STK32B: variants seen among roughly 807,000 people sequenced by gnomAD.
STK32B encodes serine/threonine-protein kinase 32B.
A neutral mutation model predicts 52.6 loss-of-function variants in STK32B; 43 were observed. That is an observed-to-expected ratio of 0.82 (90% CI 0.64 to 1.05). The LOEUF (loss-of-function observed/expected upper bound fraction) is 1.05, where lower values mean the gene tolerates loss of function less well. STK32B is among the 50% of genes least tolerant of loss of function. The probability of loss-of-function intolerance (pLI) is 0.00; values close to 1 mark genes in which losing one functional copy is unlikely to be tolerated. For synonymous variants in STK32B, 238 were observed against 204.3 expected, an observed-to-expected ratio of 1.17 and a Z score of -1.41; for missense variants, 621 against 534.6, an observed-to-expected ratio of 1.16 and a Z score of -1.59.
At chr4:5,239,695 A>G (rs529474598) in intron 3 of STK32B, among the ~76,000 whole-genome samples, 14 of 152,286 alleles carry the variant, frequency 9.2e-5, no homozygotes, top group African/African-American at 2.6e-4. Context: ...CTCAGAGGCA[A>G]GTTTACAAGA....
rs567484744 is a variant in STK32B, at chr4:5,364,624, T to C, written c.434+33231T>C. Reference sequence around the variant, plus strand: ...AGTCACGTGACTATCCCTGAATGAGTTGAACCACGTACCACCTGTCTGGTG... The same window carrying C: ...AGTCACGTGACTATCCCTGAATGAGCTGAACCACGTACCACCTGTCTGGTG... On this transcript the variant is annotated intron_variant, in intron 4 of 11. Coordinates refer to ENST00000282908, the MANE Select transcript of STK32B (RefSeq NM_018401.3). Among the ~76,000 whole-genome samples the C allele has an allele frequency of 1.8e-3, 279 of 152,244 alleles. 1 individual carries two copies. Among genetic ancestry groups the C allele is most frequent in the African/African-American group, 6.6e-3 (276 of 41,544 alleles).
intron 11 of STK32B, among the ~76,000 whole-genome samples, chr4:5,483,918 T>G (rs1298855374): frequency 6.6e-6 from 1 of 152,222 alleles, no homozygotes; most frequent in Non-Finnish European, 1.5e-5. Context: ...TTCTTAATTC[T>G]GAGTTCTAGT....
At chr4:5,107,856 T>A (rs1307647913) in intron 1 of STK32B, among the ~76,000 whole-genome samples, 4 of 152,224 alleles carry the variant, frequency 2.6e-5, no homozygotes, top group Admixed American at 2.6e-4. Context: ...GTAAATTCTA[T>A]GCATTTTAAT....
At chr4:5,463,331 T>C (rs1028428939) in intron 9 of STK32B, among the ~76,000 whole-genome samples, 4 of 152,148 alleles carry the variant, frequency 2.6e-5, no homozygotes, top group Non-Finnish European at 5.9e-5. Flanking sequence ...TGGGATGCCC[T>C]GGGGGGCATC....
intron 8 of STK32B, chr4:5,458,505 C>T (rs1159284247): frequency 6.6e-6 from 1 of 152,198 alleles, no homozygotes; most frequent in Non-Finnish European, 1.5e-5. Flanking sequence ...TGCCACAGAG[C>T]TATTAAAAGG....
chr4:5,330,928 G>A (rs1339272490), intron 3 of STK32B, among the ~76,000 whole-genome samples: 1 of 152,144 alleles, frequency 6.6e-6, no homozygotes, highest in African/African-American at 2.4e-5. Flanking sequence ...GAAACATGCT[G>A]GAGTCCAGTA....
At chr4:5,068,999 T>C (rs1254607677) in intron 1 of STK32B, among the ~76,000 whole-genome samples, 2 of 152,190 alleles carry the variant, frequency 1.3e-5, no homozygotes, top group African/African-American at 2.4e-5. Flanking sequence ...ACCAATGATA[T>C]TGTTAACCTT....
At chr4:5,051,964 C>G (rs1201407607) in intron 1 of STK32B, 49 bp downstream of exon 1, 1 of 1,553,636 alleles carries the variant, frequency 6.4e-7, no homozygotes, top group Non-Finnish European at 8.7e-7. Flanking sequence ...CATCCCCTTC[C>G]TCCACCACCC....
At chr4:5,256,933 C>T (rs941120253) in intron 3 of STK32B, among the ~76,000 whole-genome samples, 89 of 152,204 alleles carry the variant, frequency 5.8e-4, no homozygotes, top group African/African-American at 2.0e-3. Flanking sequence ...AGCAGGTACC[C>T]AGTGAATGAG....
chr4:5,198,605 C>A (rs1166471466), intron 3 of STK32B, among the ~76,000 whole-genome samples: 1 of 152,178 alleles, frequency 6.6e-6, no homozygotes, highest in African/African-American at 2.4e-5. Flanking sequence ...CCCTCTCACT[C>A]TCTCTGCAGC....
At chr4:5,401,831 C>G (rs960016300) in intron 5 of STK32B, among the ~76,000 whole-genome samples, 7 of 152,206 alleles carry the variant, frequency 4.6e-5, no homozygotes, top group African/African-American at 1.7e-4. Context: ...AAAAAACATC[C>G]CGTTAGCTCA....
At chr4:5,142,046 C>T (rs868488391) in intron 2 of STK32B, among the ~76,000 whole-genome samples, 7 of 152,204 alleles carry the variant, frequency 4.6e-5, no homozygotes, top group Non-Finnish European at 7.3e-5. Context: ...CATCTTCAGC[C>T]TGTAGCTGGG....
At chr4:5,049,888 A>G (rs913001718), upstream of STK32B, among the ~76,000 whole-genome samples, 1 of 152,194 alleles carries the variant, frequency 6.6e-6, no homozygotes, top group Admixed American at 6.5e-5. Context: ...CGCCCGGCCT[A>G]GCACAATATC....
At chr4:5,388,196 T>A (rs529857267) in intron 4 of STK32B, among the ~76,000 whole-genome samples, 4 of 152,330 alleles carry the variant, frequency 2.6e-5, no homozygotes, top group African/African-American at 9.6e-5. Flanking sequence ...CTTTGTGAAC[T>A]GCAAAACTGC....
rs1736919217 is a variant in STK32B at position 5,396,329 on chromosome 4, C to G, written c.435-1878C>G. Among the ~76,000 whole-genome samples, 1 of 152,150 alleles carries G rather than the reference C, an allele frequency of 6.6e-6. No homozygotes were observed. Among genetic ancestry groups the G allele is most frequent in the African/African-American group, 2.4e-5 (1 of 41,438 alleles). On this transcript the variant is annotated intron_variant, in intron 4 of 11. Coordinates refer to ENST00000282908, the MANE Select transcript of STK32B (RefSeq NM_018401.3). The surrounding 1 kb of genome is among the most constrained non-coding windows in gnomAD (Gnocchi z 4.7). The stretch of plus-strand genomic sequence containing the variant: ...CCCATGGCCTTCTTCTCTCCTGTGC[C>G]TGCATCCAAATCCCTCCCCCTACTT...
intron 1 of STK32B, among the ~76,000 whole-genome samples, chr4:5,097,182 G>T (rs1436514104): frequency 1.3e-5 from 2 of 152,202 alleles, no homozygotes; most frequent in African/African-American, 2.4e-5. Flanking sequence ...ATGGAAAAGG[G>T]AACGTAACAG....
At chr4:5,346,883 A>G (rs1733502681) in intron 4 of STK32B, among the ~76,000 whole-genome samples, 1 of 152,202 alleles carries the variant, frequency 6.6e-6, no homozygotes, top group Admixed American at 6.5e-5. Context: ...GAAACTTACA[A>G]TCATGGTGGA....
intron 3 of STK32B, among the ~76,000 whole-genome samples, chr4:5,193,473 T>C (rs545372670): frequency 6.6e-6 from 1 of 152,320 alleles, no homozygotes; most frequent in Admixed American, 6.5e-5. Flanking sequence ...GACTCCAAGC[T>C]TGAGCATCTC....
chr4:5,092,505 A>G (rs1426909084), intron 1 of STK32B, among the ~76,000 whole-genome samples: 5 of 150,790 alleles, frequency 3.3e-5, no homozygotes, highest in Non-Finnish European at 1.5e-5. Context: ...ACTGCACTCT[A>G]GCCTGGGCGA....
Sources: allele counts gnomAD v4.1 joint callset (sites outside exome capture counted in the v4.1 genomes callset), GRCh38; gene constraint gnomAD v4.1.1; non-coding constraint Gnocchi (gnomAD v3.1); transcripts MANE v1.5; gene names NCBI Gene and HGNC (gene_info 2026-07-23, HGNC 2026-07-21).